SIK3: variants seen among roughly 807,000 people sequenced by gnomAD.
SIK3 encodes the protein SIK family kinase 3.
SIK3 carries 28 observed loss-of-function variants against 144.2 expected under a neutral mutation model. The observed-to-expected ratio is 0.19, with a 90% CI of 0.14 to 0.27. SIK3 has a LOEUF of 0.27. Ranked by LOEUF, SIK3 falls within the 10% of genes least tolerant of loss-of-function variation. SIK3 has a pLI of 1.00. For synonymous variants in SIK3, 686 were observed against 676.3 expected (o/e 1.01, Z -0.22); for missense variants, 1,319 against 1,776.0 (o/e 0.74, Z 4.62).
chr11:117,066,461 G>A (rs1160251438), intron 1 of SIK3, among the ~76,000 whole-genome samples: 1 of 150,126 alleles, frequency 6.7e-6, no homozygotes, highest in Non-Finnish European at 1.5e-5. Context: ...AAAGCGTAAA[G>A]CATTTATATA....
intron 1 of SIK3, among the ~76,000 whole-genome samples, chr11:117,068,564 T>C (rs1954119625): frequency 6.6e-6 from 1 of 152,148 alleles, no homozygotes; most frequent in Non-Finnish European, 1.5e-5. Flanking sequence ...GCCTGGGCAA[T>C]ATAGCGAGAC....
In SIK3 at chr11:116,849,082, G is replaced by T; in HGVS notation, c.3819+38C>A. ...TACTCTGTTTCAAGGCTGGGACTGG[G>T]AGGATCCACCTCTGTGCAGCAGGTG... On this transcript the variant is annotated intron_variant, in intron 22 of 24. Coordinates refer to ENST00000445177, the MANE Select transcript of SIK3 (RefSeq NM_001366686.3). The surrounding 1 kb of genome is among the most constrained non-coding windows in gnomAD (Gnocchi z 4.2). The T allele has an allele frequency of 6.5e-7, 1 of 1,545,020 alleles. No homozygotes were observed. The highest frequency in any genetic ancestry group is 8.8e-7 in the Non-Finnish European group (1 of 1,141,066).
chr11:116,971,932 C>T (rs545469941), intron 1 of SIK3, among the ~76,000 whole-genome samples: 5 of 151,750 alleles, frequency 3.3e-5, no homozygotes, highest in South Asian at 2.1e-4. Flanking sequence ...ACTAAAAATA[C>T]GAAAAATTAC....
At chr11:117,092,835 C>T (rs1955308069) in intron 1 of SIK3, among the ~76,000 whole-genome samples, 1 of 152,136 alleles carries the variant, frequency 6.6e-6, no homozygotes, top group Admixed American at 6.6e-5. Flanking sequence ...AGACTGAAGC[C>T]TGAAAAATGA....
intron 1 of SIK3, among the ~76,000 whole-genome samples, chr11:117,003,331 A>T (rs896229170): frequency 1.3e-5 from 2 of 152,224 alleles, no homozygotes; most frequent in Non-Finnish European, 2.9e-5. Context: ...AGCTTGACTC[A>T]GGCAGATCTG....
chr11:117,063,494 T>A (rs973025393), intron 1 of SIK3, among the ~76,000 whole-genome samples: 2 of 151,988 alleles, frequency 1.3e-5, no homozygotes, highest in African/African-American at 4.8e-5. Flanking sequence ...AAAAGGTAAA[T>A]AATCCTTCTG....
intron 9 of SIK3, 101 bp from the exon 10 acceptor site, chr11:116,875,552 A>C (rs1027098734): frequency 4.5e-6 from 6 of 1,333,288 alleles, no homozygotes; most frequent in Admixed American, 4.5e-5. Flanking sequence ...TGTTTCCCTG[A>C]TTACTAAAGT....
intron 1 of SIK3, among the ~76,000 whole-genome samples, chr11:117,080,357 G>A (rs1307114029): frequency 6.6e-6 from 1 of 152,108 alleles, no homozygotes; most frequent in Non-Finnish European, 1.5e-5. Context: ...CTCATACTTT[G>A]ATCCAAGCAT....
In SIK3 at chr11:116,962,469, T is replaced by C. The variant is rs1949385376; in HGVS notation, c.274-5405A>G. 2.0e-5 allele frequency among the ~76,000 whole-genome samples: 3 copies of C among 152,338 alleles called. No individual in the cohort carries two copies. The South Asian group carries it at 6.2e-4, about 32-fold the overall frequency. On this transcript the variant is annotated intron_variant, in intron 1 of 24. Coordinates refer to ENST00000445177, the MANE Select transcript of SIK3 (RefSeq NM_001366686.3). ...GAAAAGCTTATTTTTTTAAAAAATT[T>C]GTTTTAAGGAAAGAGCTCTATTTCT... is the stretch of plus-strand genomic sequence containing the variant.
intron 1 of SIK3, among the ~76,000 whole-genome samples, chr11:117,026,921 C>T (rs554735852): frequency 6.6e-6 from 1 of 152,292 alleles, no homozygotes; most frequent in East Asian, 1.9e-4. Context: ...CCAGAGATGT[C>T]ATTAAATGTA....
chr11:116,882,310 A>G (rs768910509), intron 6 of SIK3, among the ~76,000 whole-genome samples: 12 of 152,212 alleles, frequency 7.9e-5, no homozygotes, highest in Admixed American at 7.2e-4. Flanking sequence ...GAGCAAACTT[A>G]TTTATATACT....
Position 116,867,782 on chromosome 11 carries a change from C to T in SIK3, c.1952+164G>A. 8.0e-6 allele frequency: 5 copies of T among 628,092 alleles called. No homozygotes were observed. The highest frequency in any genetic ancestry group is 1.3e-5 in the Non-Finnish European group (5 of 391,648). The allele number at this position is 628,092 out of a possible 1,614,324, so 38.9% of individuals were successfully genotyped here. ...TCCAGGGCGCAGTAAAAAACCTTTG[C>T]CCTGTGCATTGCTTACTGCAAGGAG... On this transcript the variant is annotated intron_variant, in intron 15 of 24. Coordinates refer to ENST00000445177, the MANE Select transcript of SIK3 (RefSeq NM_001366686.3). The surrounding 1 kb of genome is among the most constrained non-coding windows in gnomAD (Gnocchi z 4.1).
At chr11:116,955,726 A>G (rs1323093630) in intron 2 of SIK3, among the ~76,000 whole-genome samples, 1 of 152,184 alleles carries the variant, frequency 6.6e-6, no homozygotes, top group Non-Finnish European at 1.5e-5. Context: ...ATAGGTCTTC[A>G]GGCAGCACCA....
chr11:116,987,968 C>T (rs568538361), intron 1 of SIK3, among the ~76,000 whole-genome samples: 10 of 152,256 alleles, frequency 6.6e-5, no homozygotes, highest in Middle Eastern at 3.4e-3. Flanking sequence ...AAGGACGTTA[C>T]CTCGACACAG....
At chr11:117,023,979 C>A (rs1384773340) in intron 1 of SIK3, among the ~76,000 whole-genome samples, 6 of 152,068 alleles carry the variant, frequency 3.9e-5, no homozygotes, top group African/African-American at 1.2e-4. Context: ...ACACCCGGGC[C>A]TGGACAGACT....
Position 116,844,302 on chromosome 11 carries a change from T to G in SIK3, c.*1341A>C, listed in dbSNP as rs1941743906. The G allele has an allele frequency of 6.6e-6, 1 of 152,148 alleles. No individual in the cohort carries two copies. The highest frequency in any genetic ancestry group is 1.5e-5 in the Non-Finnish European group (1 of 68,024). 9.4% of individuals were successfully genotyped at this position (152,148 alleles called of 1,614,324 possible). On this transcript the variant is annotated 3_prime_UTR_variant, in exon 25 of 25. Coordinates refer to ENST00000445177, the MANE Select transcript of SIK3 (RefSeq NM_001366686.3). The stretch of plus-strand genomic sequence containing the variant: ...AAGAGCTGTTCACAATTACAATGCC[T>G]AAAGGAAATACTTTGAACAAAAGGT...
intron 18 of SIK3, 49 bp from the exon 19 acceptor site, chr11:116,861,432 T>C (rs1410680834): frequency 8.8e-6 from 12 of 1,367,360 alleles, no homozygotes; most frequent in African/African-American, 2.9e-5. Context: ...AAGGTGACAG[T>C]ACAATCTTAA....
At chr11:116,992,027 A>C (rs1243644720) in intron 1 of SIK3, among the ~76,000 whole-genome samples, 2 of 152,194 alleles carry the variant, frequency 1.3e-5, no homozygotes, top group African/African-American at 2.4e-5. Flanking sequence ...TTAGACATAC[A>C]TACAAAAAAC....
chr11:116,879,188 A>T (rs1488882566), intron 6 of SIK3, among the ~76,000 whole-genome samples: 1 of 152,224 alleles, frequency 6.6e-6, no homozygotes, highest in African/African-American at 2.4e-5. Flanking sequence ...AAATTTTTTT[A>T]AAATAAAATT....
Sources: gnomAD v4.1 joint callset for allele counts (sites outside exome capture counted in the v4.1 genomes callset) on GRCh38, gnomAD v4.1.1 for gene constraint, Gnocchi (gnomAD v3.1) non-coding constraint, MANE v1.5 for transcripts, NCBI Gene and HGNC (gene_info 2026-07-23, HGNC 2026-07-21) for gene names.